Variants in TRIOBP observed in about 807,000 individuals in gnomAD.
TRIOBP encodes TRIO and F-actin-binding protein.
A neutral mutation model predicts 238.8 loss-of-function variants in TRIOBP; 169 were observed. The observed-to-expected ratio is 0.71, with a 90% CI of 0.62 to 0.80. TRIOBP has a LOEUF of 0.80. Among genes scored for constraint, TRIOBP ranks in the 30% least tolerant of loss-of-function variants. TRIOBP has a pLI of 0.00. For synonymous variants in TRIOBP, 1,150 were observed against 1,274.4 expected (o/e 0.90, Z 2.08); for missense variants, 2,838 against 3,122.6 (o/e 0.91, Z 2.17).
intron 18 of TRIOBP, among the ~76,000 whole-genome samples, chr22:37,767,526 A>T (rs1020980659): frequency 3.3e-5 from 5 of 152,156 alleles, no homozygotes; most frequent in African/African-American, 9.7e-5. Context: ...ACCTTCCAAT[A>T]ACCCCATGGA....
At chr22:37,706,686 G>T (rs1922956478) in intron 3 of TRIOBP, among the ~76,000 whole-genome samples, 1 of 151,872 alleles carries the variant, frequency 6.6e-6, no homozygotes, top group South Asian at 2.1e-4. Context: ...TACTTGGGAG[G>T]CTGAGGCAGG....
chr22:37,751,813 G>A lies in TRIOBP; in HGVS notation c.5364G>A (p.Leu1788=). ...LNFKKGWMSI[L]DEPGEPPSPS... is the part of the protein sequence containing the mutation. The stretch of plus-strand genomic sequence containing the variant: ...TCAAGAAGGGATGGATGTCGATCTT[G>A]GACGAGCCTGGAGAGGTAAGAGGAC... The change falls in exon 12 of 24, where the codon TTG becomes TTA. Residue 1788 remains leucine, a synonymous_variant. Coordinates refer to ENST00000644935, the MANE Select transcript of TRIOBP (RefSeq NM_001039141.3). The A allele has an allele frequency of 6.2e-7, 1 of 1,614,108 alleles. No individual in the cohort carries two copies. Among genetic ancestry groups the A allele is most frequent in the African/African-American group, 1.3e-5 (1 of 75,024 alleles).
intron 7 of TRIOBP, among the ~76,000 whole-genome samples, chr22:37,727,097 C>T (rs537905928): frequency 7.3e-5 from 11 of 151,464 alleles, no homozygotes; most frequent in South Asian, 2.1e-4. Flanking sequence ...TTACTAGAGA[C>T]GGGGTTTCGC....
intron 6 of TRIOBP, among the ~76,000 whole-genome samples, chr22:37,718,191 C>T (rs1467489084): frequency 6.6e-6 from 1 of 152,234 alleles, no homozygotes; most frequent in African/African-American, 2.4e-5. Flanking sequence ...ACAAGCGCCG[C>T]GCGCAGCCTC....
Position 37,710,392 on chromosome 22 carries a change from C to T in TRIOBP, c.115-35C>T, listed in dbSNP as rs145499943. On this transcript the variant is annotated intron_variant, in intron 3 of 23. Coordinates refer to ENST00000644935, the MANE Select transcript of TRIOBP (RefSeq NM_001039141.3). The stretch of plus-strand genomic sequence containing the variant: ...AGGGGGAGGGGAGCCCCCACGTGGG[C>T]GCTGAGCTGTCTCCTCTCTCCAACC... 3.6e-3 allele frequency: 5,844 copies of T among 1,611,398 alleles called. 23 individuals are homozygous for T. The highest frequency in any genetic ancestry group is 3.8e-3 in the Non-Finnish European group (4,466 of 1,179,870).
chr22:37,711,819 T>C (rs1464530220), intron 4 of TRIOBP, among the ~76,000 whole-genome samples: 4 of 152,146 alleles, frequency 2.6e-5, no homozygotes. Flanking sequence ...GGCCATCACT[T>C]ATTATCATCG....
At chr22:37,711,472 G>A (rs1391399680) in intron 4 of TRIOBP, among the ~76,000 whole-genome samples, 1 of 151,650 alleles carries the variant, frequency 6.6e-6, no homozygotes, top group African/African-American at 2.4e-5. Flanking sequence ...CCAGCTGCTC[G>A]GGAGGCTGAG....
At chr22:37,737,358 A>G (rs746021228) in intron 9 of TRIOBP, among the ~76,000 whole-genome samples, 6 of 152,034 alleles carry the variant, frequency 3.9e-5, no homozygotes, top group Non-Finnish European at 5.9e-5. Context: ...GCTCCTCTCT[A>G]TGAAAATCCT....
chr22:37,771,832 C>T (rs1926791412), intron 22 of TRIOBP, 96 bp downstream of exon 22: 1 of 1,078,936 alleles, frequency 9.3e-7, no homozygotes, highest in African/African-American at 1.6e-5. Flanking sequence ...CCTCCACTCG[C>T]TTCATCCTTC....
intron 17 of TRIOBP, chr22:37,759,851 A>T (rs1926151558): frequency 9.6e-7 from 1 of 1,045,052 alleles, no homozygotes; most frequent in East Asian, 4.6e-5. Flanking sequence ...CTCTCTAGAA[A>T]AAACGTGTGT....
chr22:37,772,153 G>A (rs541085507), intron 22 of TRIOBP, among the ~76,000 whole-genome samples: 3 of 152,250 alleles, frequency 2.0e-5, no homozygotes, highest in East Asian at 3.9e-4. Context: ...TCTGCAGCCC[G>A]CCTGGCCCAC....
intron 12 of TRIOBP, among the ~76,000 whole-genome samples, chr22:37,753,424 G>A (rs1366849693): frequency 1.3e-5 from 2 of 152,122 alleles, no homozygotes; most frequent in African/African-American, 2.4e-5. Context: ...ACAGGCATGC[G>A]CCACCATGCC....
At chr22:37,729,207 C>T (rs760355100) in intron 7 of TRIOBP, among the ~76,000 whole-genome samples, 2 of 151,188 alleles carry the variant, frequency 1.3e-5, no homozygotes, top group Non-Finnish European at 2.9e-5. Flanking sequence ...CGTGAGCCAC[C>T]GTGCCTGGTC....
intron 9 of TRIOBP, among the ~76,000 whole-genome samples, chr22:37,737,104 G>T (rs990729316): frequency 6.6e-6 from 1 of 152,188 alleles, no homozygotes; most frequent in Non-Finnish European, 1.5e-5. Context: ...TTGCTGTCAG[G>T]CTTGTTAGGA....
At chr22:37,742,356 A>G (rs934449224) in intron 11 of TRIOBP, among the ~76,000 whole-genome samples, 4 of 147,664 alleles carry the variant, frequency 2.7e-5, no homozygotes, top group African/African-American at 9.9e-5. Flanking sequence ...TCTGCCTCCC[A>G]GGTTCAAGCG....
intron 12 of TRIOBP, among the ~76,000 whole-genome samples, chr22:37,753,608 G>C (rs572411422): frequency 3.3e-5 from 5 of 152,326 alleles, no homozygotes; most frequent in Non-Finnish European, 5.9e-5. Context: ...CCTACTTTAT[G>C]GTTCAGAAGA....
In TRIOBP at chr22:37,755,530, C is replaced by T. The variant is rs1433624124; in HGVS notation, c.5578-20C>T. On this transcript the variant is annotated intron_variant, in intron 14 of 23. Coordinates refer to ENST00000644935, the MANE Select transcript of TRIOBP (RefSeq NM_001039141.3). ...ATGCGGCTGGCCATGTGGCAACCTA[C>T]CCATGCGGTGGCCTTGCAGACCAAG... 1 of 1,608,890 alleles carries T rather than the reference C, an allele frequency of 6.2e-7. No homozygotes were observed. Among genetic ancestry groups the T allele is most frequent in the South Asian group, 1.1e-5 (1 of 90,940 alleles).
rs756228373 is a variant in TRIOBP at position 37,735,073 on chromosome 22, C to T, written c.4737C>T (p.Ser1579=). 5.6e-6 allele frequency: 9 copies of T among 1,606,686 alleles called. No homozygotes were observed. In the East Asian group the frequency reaches 1.3e-4, roughly 24 times the overall value. ...AGGGGGTCTGGGCCCGTGTCCCCAG[C>T]CTGGACTGGGAGGGCCTCTTGGAGC... is the stretch of plus-strand genomic sequence containing the variant. ...PGEGVWARVP[S]LDWEGLLELL... Residue 1579 remains serine, a synonymous_variant, in exon 9 of 24, where the codon AGC becomes AGT. Coordinates refer to ENST00000644935, the MANE Select transcript of TRIOBP (RefSeq NM_001039141.3).
intron 17 of TRIOBP, 93 bp from the exon 18 acceptor site, chr22:37,765,577 A>C (rs527248415): frequency 6.6e-7 from 1 of 1,516,574 alleles, no homozygotes; most frequent in African/African-American, 1.4e-5. Flanking sequence ...GAGGTGGTGT[A>C]CCTGCCCCTG....
Sources: gnomAD v4.1 joint callset for allele counts (sites outside exome capture counted in the v4.1 genomes callset) on GRCh38, gnomAD v4.1.1 for gene constraint, MANE v1.5 for transcripts, NCBI Gene and HGNC (gene_info 2026-07-23, HGNC 2026-07-21) for gene names.